GAA: variants seen among roughly 807,000 people sequenced by gnomAD.
The protein encoded by GAA is lysosomal alpha-glucosidase.
GAA carries 88 observed loss-of-function variants against 103.9 expected under a neutral mutation model. The observed-to-expected ratio is 0.85, with a 90% CI of 0.71 to 1.01. The LOEUF is 1.01. Among genes scored for constraint, GAA ranks in the 50% least tolerant of loss-of-function variants. The pLI is 0.00. For synonymous variants in GAA, 572 were observed against 563.1 expected (o/e 1.02, Z -0.22); for missense variants, 1,350 against 1,305.3 (o/e 1.03, Z -0.53).
chr17:80,116,847 C>A, intron 15 of GAA, 121 bp from the exon 16 acceptor site: 1 of 1,139,250 alleles, frequency 8.8e-7, no homozygotes. Context: ...TCCAAGTCCT[C>A]CGGCACCTTG....
chr17:80,115,610 C>A (rs1036991318), intron 15 of GAA, among the ~76,000 whole-genome samples: 1 of 152,210 alleles, frequency 6.6e-6, no homozygotes, highest in Non-Finnish European at 1.5e-5. Flanking sequence ...ACTGTCCCCC[C>A]ATCTGTGGGC....
Position 80,112,890 on chromosome 17 carries a change from A to G in GAA, c.1903A>G (p.Asn635Asp), listed in dbSNP as rs2143891559. 2.5e-6 allele frequency: 4 copies of G among 1,609,654 alleles called. No homozygotes were observed. Among genetic ancestry groups the G allele is most frequent in the Non-Finnish European group, 3.4e-6 (4 of 1,178,352 alleles). The stretch of plus-strand genomic sequence containing the variant: ...TGCCCTCCCAGAAATCCTGCAGTTT[A>G]ACCTGCTGGGGGTGCCTCTGGTCGG... Reference protein sequence around the residue: ...ASSVPEILQFNLLGVPLVGAD... With the variant: ...ASSVPEILQFDLLGVPLVGAD... The change falls in exon 14 of 20, where the codon AAC becomes GAC. Residue 635 changes from asparagine (N) to aspartate (D), a missense_variant. Asn to Asp is a conservative substitution (Grantham distance 23). Transcript: ENST00000302262.
In GAA at chr17:80,101,592, T is replaced by C. The variant is rs1567823098; in HGVS notation, c.-331T>C. The C allele has an allele frequency of 6.7e-6, 1 of 150,292 alleles. No homozygotes were observed. The highest frequency in any genetic ancestry group is 2.1e-4 in the South Asian group (1 of 4,828). 9.3% of individuals were successfully genotyped at this position (150,292 alleles called of 1,614,324 possible). Reference sequence around the variant, plus strand: ...CGCGCCCCCGGGCACGACCCCGGAGTCTCCGCGGGCGGCCAGGGCGCGCGT... The same window carrying C: ...CGCGCCCCCGGGCACGACCCCGGAGCCTCCGCGGGCGGCCAGGGCGCGCGT... On this transcript the variant is annotated 5_prime_UTR_variant, in exon 1 of 20. Coordinates refer to ENST00000302262, the MANE Select transcript of GAA (RefSeq NM_000152.5).
intron 9 of GAA, among the ~76,000 whole-genome samples, chr17:80,110,421 G>A (rs2039204178): frequency 6.6e-6 from 1 of 152,192 alleles, no homozygotes; most frequent in Admixed American, 6.5e-5. Context: ...TGCCTGGCAG[G>A]GCTTGCACGG....
chr17:80,112,267 G>C, intron 12 of GAA, 167 bp downstream of exon 12: 1 of 715,840 alleles, frequency 1.4e-6, no homozygotes, highest in South Asian at 1.6e-5. Flanking sequence ...CCAGCCTGAA[G>C]CTGGAGCGCT....
chr17:80,109,138 G>A (rs998936441), intron 8 of GAA, among the ~76,000 whole-genome samples: 1 of 151,808 alleles, frequency 6.6e-6, no homozygotes, highest in African/African-American at 2.4e-5. Flanking sequence ...GAAAGTGGAG[G>A]GCCCGGTGGG....
rs750610238 is a variant in GAA, at chr17:80,112,895, G to T, written c.1908G>T (p.Leu636=). Residue 636 remains leucine (L), a synonymous_variant, in exon 14 of 20, where the codon CTG becomes CTT. Coordinates refer to ENST00000302262, the MANE Select transcript of GAA (RefSeq NM_000152.5). ...SSVPEILQFN[L]LGVPLVGADV... The stretch of plus-strand genomic sequence containing the variant: ...TCCCAGAAATCCTGCAGTTTAACCT[G>T]CTGGGGGTGCCTCTGGTCGGGGCCG... The T allele has an allele frequency of 6.2e-7, 1 of 1,610,030 alleles. No homozygotes were observed. Among genetic ancestry groups the T allele is most frequent in the South Asian group, 1.1e-5 (1 of 90,226 alleles).
Position 80,107,733 on chromosome 17 carries a change from G to GGCA in GAA, c.858+12_858+13insCAG, listed in dbSNP as rs762351035. The GGCA allele has an allele frequency of 8.1e-6, 13 of 1,606,906 alleles. No individual in the cohort carries two copies. The highest frequency in any genetic ancestry group is 2.8e-5 in the African/African-American group (2 of 72,466). On this transcript the variant is annotated intron_variant, in intron 4 of 19. Transcript: ENST00000302262. ...GACCTTGCGCCCACGGTACAGCGGC[G>GGCA]GGCGGCGGGCGGGGGCACTGAGCTG... is the stretch of plus-strand genomic sequence containing the variant.
chr17:80,111,207 G>A (rs1286122578), intron 11 of GAA, among the ~76,000 whole-genome samples, 182 bp downstream of exon 11: 1 of 152,230 alleles, frequency 6.6e-6, no homozygotes, highest in Non-Finnish European at 1.5e-5. Flanking sequence ...CAGACAGGGT[G>A]GGTGCAGAGG....
rs144604999 is a variant in GAA, at chr17:80,104,374, C to T, written c.-32-181C>T. Among the ~76,000 whole-genome samples, 764 of 152,282 alleles carry T rather than the reference C, an allele frequency of 5.0e-3. 5 individuals carry two copies. Among genetic ancestry groups the T allele is most frequent in the African/African-American group, 0.017 (713 of 41,550 alleles). ...TGCACTCCCCTGCTGGAGCTTTTCT[C>T]GCCCTTCCTTCTGGCCCTCTCCCCA... On this transcript the variant is annotated intron_variant, in intron 1 of 19. Transcript: ENST00000302262. This position sits in a 1 kb window ranked among gnomAD's most constrained non-coding sequence, Gnocchi z 4.0.
Position 80,110,848 on chromosome 17 carries a change from T to C in GAA, c.1551+8T>C, listed in dbSNP as rs1200143953. 2 of 1,614,028 alleles carry C rather than the reference T, an allele frequency of 1.2e-6. No individual in the cohort carries two copies. Among genetic ancestry groups the C allele is most frequent in the South Asian group, 2.2e-5 (2 of 91,080 alleles). On this transcript the variant is annotated splice_region_variant and intron_variant, in intron 10 of 19. Coordinates refer to ENST00000302262, the MANE Select transcript of GAA (RefSeq NM_000152.5). ...TTCGACGGCATGTGGATTGTAAGTG[T>C]GGCCCCCTCCTGAGCATCCCCAAGG... is the stretch of plus-strand genomic sequence containing the variant.
chr17:80,110,155 C>CA lies in GAA; in HGVS notation c.1437+101dup. 3.2e-6 allele frequency: 3 copies of CA among 934,044 alleles called. 1 individual carries two copies. The Admixed American group carries it at 5.9e-5, about 18-fold the overall frequency. 57.9% of individuals were successfully genotyped at this position (934,044 alleles called of 1,614,324 possible). Reference sequence around the variant, plus strand: ...AAGACGGTGGGATTTGAGGAGCCATCACGCCCAGTGGGACAGCTGAGAGGA... The same window carrying CA: ...AAGACGGTGGGATTTGAGGAGCCATCAACGCCCAGTGGGACAGCTGAGAGGA... On this transcript the variant is annotated intron_variant, in intron 9 of 19. Transcript: ENST00000302262.
Position 80,108,357 on chromosome 17 carries a change from C to A in GAA, c.1023C>A (p.Ile341=). 6.2e-7 allele frequency: 1 copy of A among 1,613,682 alleles called. No individual in the cohort carries two copies. Among genetic ancestry groups the A allele is most frequent in the Non-Finnish European group, 8.5e-7 (1 of 1,180,034 alleles). ...RSTGGILDVY[I]FLGPEPKSVV... ...CAGGTGGGATCCTGGATGTCTACAT[C>A]TTCCTGGGCCCAGAGCCCAAGAGCG... is the stretch of plus-strand genomic sequence containing the variant. Residue 341 remains isoleucine, a synonymous_variant, in exon 6 of 20, where the codon ATC becomes ATA. Transcript: ENST00000302262.
Position 80,105,035 on chromosome 17 carries a change from C to T in GAA, c.449C>T (p.Ala150Val). 1 of 1,612,938 alleles carries T rather than the reference C, an allele frequency of 6.2e-7. No homozygotes were observed. The highest frequency in any genetic ancestry group is 8.5e-7 in the Non-Finnish European group (1 of 1,180,014). ...AGCTCCTCTGAAATGGGCTACACGG[C>T]CACCCTGACCCGTACCACCCCCACC... ...NLSSSEMGYT[A>V]TLTRTTPTFF... The change falls in exon 2 of 20, where the codon GCC (alanine) becomes GTC (valine). Residue 150 changes from alanine to valine, a missense_variant. Transcript: ENST00000302262.
chr17:80,107,967 C>A, intron 5 of GAA, 71 bp downstream of exon 5: 1 of 1,411,214 alleles, frequency 7.1e-7, no homozygotes, highest in Non-Finnish European at 9.8e-7. Flanking sequence ...ACTGGAGGTC[C>A]GCATGAGGGG....
chr17:80,116,963 T>G lies in GAA; in HGVS notation c.2190-5T>G, dbSNP rs1192672155. 1 of 1,613,688 alleles carries G rather than the reference T, an allele frequency of 6.2e-7. No homozygotes were observed. The highest frequency in any genetic ancestry group is 8.5e-7 in the Non-Finnish European group (1 of 1,180,000). ...CGTATGCCTGTGTGCCCATCCCCCT[T>G]GCAGGTTCCCCAAGGACTCTAGCAC... On this transcript the variant is annotated splice_region_variant and splice_polypyrimidine_tract_variant and intron_variant, in intron 15 of 19. Transcript: ENST00000302262.
chr17:80,110,982 C>T lies in GAA; in HGVS notation c.1593C>T (p.Asp531=), dbSNP rs138732016. The T allele has an allele frequency of 1.1e-4, 171 of 1,613,838 alleles. No individual in the cohort carries two copies. Among genetic ancestry groups the T allele is most frequent in the Admixed American group, 3.0e-4 (18 of 60,014 alleles). Residue 531 remains aspartate, a synonymous_variant, in exon 11 of 20, where the codon GAC becomes GAT. Transcript: ENST00000302262. ...CCAACTTCATCAGGGGCTCTGAGGA[C>T]GGCTGCCCCAACAATGAGCTGGAGA... is the stretch of plus-strand genomic sequence containing the variant. The part of the protein sequence containing the change: ...EPSNFIRGSE[D]GCPNNELENP...
chr17:80,117,242 GCC>G lies in GAA; in HGVS notation c.2331+137_2331+138del, dbSNP rs2039375633. 6.3e-6 allele frequency: 6 copies of G among 956,632 alleles called. No individual in the cohort carries two copies. In the South Asian group the frequency reaches 8.5e-5, roughly 14 times the overall value. 59.3% of individuals were successfully genotyped at this position (956,632 alleles called of 1,614,324 possible). On this transcript the variant is annotated intron_variant, in intron 16 of 19. Transcript: ENST00000302262. ...GTGTTGAGTCCCGGCCATGTGCCAG[GCC>G]CCCACCCGGCTGCTCCGCACCCATC...
chr17:80,107,494 G>A, intron 3 of GAA, 63 bp from the exon 4 acceptor site: 1 of 1,607,894 alleles, frequency 6.2e-7, no homozygotes, highest in Non-Finnish European at 8.5e-7. Flanking sequence ...GTGCTCTCTG[G>A]GTGCTCTCAG....
Sources: gnomAD v4.1 joint callset for allele counts (sites outside exome capture counted in the v4.1 genomes callset) on GRCh38, gnomAD v4.1.1 for gene constraint, Gnocchi (gnomAD v3.1) non-coding constraint, MANE v1.5 for transcripts, NCBI Gene and HGNC (gene_info 2026-07-23, HGNC 2026-07-21) for gene names.